DENND5A: variants seen among roughly 807,000 people sequenced by gnomAD.
The protein encoded by DENND5A is DENN domain-containing protein 5A.
DENND5A carries 64 observed loss-of-function variants against 140.3 expected under a neutral mutation model. The ratio of observed to expected loss-of-function variants is 0.46; its 90% CI spans 0.37 to 0.56. The LOEUF is 0.56. DENND5A is among the 20% of genes least tolerant of loss of function. DENND5A has a pLI of 0.00. For synonymous variants in DENND5A, 605 were observed against 607.7 expected (o/e 1.00, Z 0.07); for missense variants, 1,292 against 1,593.8 (o/e 0.81, Z 3.22).
At chr11:9,221,373 G>A (rs1477187248) in intron 1 of DENND5A, among the ~76,000 whole-genome samples, 1 of 152,134 alleles carries the variant, frequency 6.6e-6, no homozygotes, top group Non-Finnish European at 1.5e-5. Flanking sequence ...AGAGGTTGTA[G>A]TGAGCCGAGA....
chr11:9,208,412 G>T (rs1490517084), intron 1 of DENND5A, among the ~76,000 whole-genome samples: 1 of 152,162 alleles, frequency 6.6e-6, no homozygotes, highest in African/African-American at 2.4e-5. Flanking sequence ...GGGACTTGTG[G>T]TTATTAAGGA....
At chr11:9,160,628 A>G in intron 12 of DENND5A, 85 bp downstream of exon 12, 1 of 1,303,234 alleles carries the variant, frequency 7.7e-7, no homozygotes, top group Non-Finnish European at 1.1e-6. Flanking sequence ...AAAGCCAGTC[A>G]GCTGGACAAA....
rs750024276 is a variant in DENND5A, at chr11:9,144,115, A to G, written c.3286T>C (p.Ser1096Pro). Reference sequence around the variant, plus strand: ...CACTTACTGGGCTTGTTGTTGGGTGAGATGGTAACAAGCCTCCGGATGACA... The same window carrying G: ...CACTTACTGGGCTTGTTGTTGGGTGGGATGGTAACAAGCCTCCGGATGACA... ...PSVIRRLVTI[S>P]PNNKPKLNTG... Residue 1096 changes from serine (S) to proline (P), a missense_variant, in exon 19 of 23, where the codon TCA becomes CCA. Physicochemically the swap from Ser to Pro is moderately conservative, Grantham distance 74. This residue lies in a region of DENND5A where 498 missense variants were observed against 689.7 expected (regional missense o/e 0.72). Coordinates refer to ENST00000328194, the MANE Select transcript of DENND5A (RefSeq NM_015213.4). 4 of 1,613,612 alleles carry G rather than the reference A, an allele frequency of 2.5e-6. No individual in the cohort carries two copies. Among genetic ancestry groups the G allele is most frequent in the Non-Finnish European group, 3.4e-6 (4 of 1,179,796 alleles).
At chr11:9,238,697 A>G (rs1241557359) in intron 1 of DENND5A, among the ~76,000 whole-genome samples, 13 of 151,996 alleles carry the variant, frequency 8.6e-5, no homozygotes, top group Non-Finnish European at 1.9e-4. Context: ...TACAGGTGTG[A>G]GCCACTGTGC....
intron 4 of DENND5A, 129 bp from the exon 5 acceptor site, chr11:9,193,810 A>G: frequency 1.2e-6 from 1 of 809,048 alleles, no homozygotes; most frequent in Non-Finnish European, 1.9e-6. Flanking sequence ...AACTTCAGCT[A>G]GGGTATGCTC....
Position 9,152,419 on chromosome 11 carries a change from G to A in DENND5A, c.2460C>T (p.His820=), listed in dbSNP as rs150339482. 9.3e-6 allele frequency: 15 copies of A among 1,613,672 alleles called. No homozygotes were observed. The highest frequency in any genetic ancestry group is 1.7e-5 in the Admixed American group (1 of 60,002). ...VKQGKSALWS[H]LLHYQDNRQR... is the part of the protein sequence containing the mutation. ...GCCGGTTGTCCTGATAATGTAACAGGTGGGACCATAAGGCTGATTTCCCCT... is the reference window on the plus strand; with the variant it reads ...GCCGGTTGTCCTGATAATGTAACAGATGGGACCATAAGGCTGATTTCCCCT... Residue 820 remains histidine (H), a synonymous_variant, in exon 13 of 23, where the codon CAC becomes CAT. Transcript: ENST00000328194.
intron 1 of DENND5A, among the ~76,000 whole-genome samples, chr11:9,250,632 A>C (rs895332556): frequency 8.5e-5 from 13 of 152,232 alleles, no homozygotes; most frequent in Non-Finnish European, 1.9e-4. Flanking sequence ...ATGGACAAAC[A>C]ATTTTATTTC....
At chr11:9,145,324 G>T in intron 17 of DENND5A, 1 of 594,594 alleles carries the variant, frequency 1.7e-6, no homozygotes. Context: ...CTACCTAGAA[G>T]AACAGGGTCA....
intron 1 of DENND5A, among the ~76,000 whole-genome samples, chr11:9,256,755 T>C (rs1188039192): frequency 1.3e-5 from 2 of 152,174 alleles, no homozygotes; most frequent in Non-Finnish European, 2.9e-5. Flanking sequence ...GAGAAAATGA[T>C]GAGTAACTGC....
At chr11:9,235,005 C>T (rs565122169) in intron 1 of DENND5A, among the ~76,000 whole-genome samples, 4 of 152,272 alleles carry the variant, frequency 2.6e-5, no homozygotes, top group African/African-American at 9.6e-5. Flanking sequence ...CCTGACCCAG[C>T]TGGCATCCGC....
intron 1 of DENND5A, 25 bp from the exon 2 acceptor site, chr11:9,207,657 G>A (rs760860026): frequency 9.9e-6 from 15 of 1,522,478 alleles, no homozygotes; most frequent in Middle Eastern, 1.7e-4. Flanking sequence ...AAATAACAGA[G>A]TATTACAATA....
rs779333840 is a variant in DENND5A, at chr11:9,170,803, C to A, written c.1907-26G>T. The A allele has an allele frequency of 7.5e-6, 12 of 1,610,370 alleles. No individual in the cohort carries two copies. In the South Asian group the frequency reaches 1.1e-4, roughly 15 times the overall value. Reference sequence around the variant, plus strand: ...CTGGATGAGAATACACACACACACACACACACACACACACATAAATACACA... The same window carrying A: ...CTGGATGAGAATACACACACACACAAACACACACACACACATAAATACACA... On this transcript the variant is annotated intron_variant, in intron 8 of 22. Transcript: ENST00000328194.
intron 5 of DENND5A, among the ~76,000 whole-genome samples, chr11:9,181,827 CA>C (rs1253315951): frequency 6.6e-6 from 1 of 152,092 alleles, no homozygotes; most frequent in Non-Finnish European, 1.5e-5. Flanking sequence ...GTCTAGGTTC[CA>C]GATTTGACTC....
chr11:9,218,040 A>C (rs2136231186), intron 1 of DENND5A, among the ~76,000 whole-genome samples: 1 of 152,334 alleles, frequency 6.6e-6, no homozygotes, highest in South Asian at 2.1e-4. Flanking sequence ...AGATTGTTTG[A>C]GTCCAGGAGT....
chr11:9,165,700 T>G, intron 11 of DENND5A, 136 bp downstream of exon 11: 1 of 1,058,732 alleles, frequency 9.4e-7, no homozygotes, highest in Non-Finnish European at 1.4e-6. Context: ...TCCCAAAGTG[T>G]TGGGATTACA....
intron 11 of DENND5A, among the ~76,000 whole-genome samples, chr11:9,164,275 A>T (rs1361794244): frequency 1.5e-5 from 2 of 131,522 alleles, no homozygotes. Flanking sequence ...CTGGCCTCAA[A>T]CTTCTGGGCT....
intron 12 of DENND5A, among the ~76,000 whole-genome samples, chr11:9,157,357 G>A (rs1847841579): frequency 1.3e-5 from 2 of 152,066 alleles, no homozygotes; most frequent in African/African-American, 4.8e-5. Context: ...TAGGTTCAGG[G>A]GCACACATGC....
At chr11:9,207,757 TACATAA>T in intron 1 of DENND5A, 125 bp from the exon 2 acceptor site, 1 of 635,026 alleles carries the variant, frequency 1.6e-6, no homozygotes, top group Non-Finnish European at 2.7e-6. Context: ...TGTATGTGTA[TACATAA>T]ATTTACCTAA....
intron 11 of DENND5A, among the ~76,000 whole-genome samples, chr11:9,163,367 A>G (rs1305037904): frequency 1.3e-5 from 2 of 152,224 alleles, no homozygotes; most frequent in African/African-American, 2.4e-5. Flanking sequence ...GTGATGTTAC[A>G]TTGATTACTA....
Sources: allele counts gnomAD v4.1 joint callset (sites outside exome capture counted in the v4.1 genomes callset), GRCh38; gene constraint gnomAD v4.1.1; regional missense constraint gnomAD v4.1.1; transcripts MANE v1.5; gene names NCBI Gene and HGNC (gene_info 2026-07-23, HGNC 2026-07-21).